The following ZBTB46 variants were observed in gnomAD, a reference collection of about 807,000 sequenced individuals.
ZBTB46 encodes the protein zinc finger and BTB domain containing 46, also known as zinc finger and BTB domain-containing protein 46.
A neutral mutation model predicts 44.1 loss-of-function variants in ZBTB46; 8 were observed. That is an observed-to-expected ratio of 0.18 (90% confidence interval 0.11 to 0.33). The LOEUF (loss-of-function observed/expected upper bound fraction) is 0.33, where lower values mean the gene tolerates loss of function less well. Among genes scored for constraint, ZBTB46 ranks in the 10% least tolerant of loss-of-function variants. The pLI, the probability that ZBTB46 is intolerant of heterozygous loss-of-function variation, is 1.00. For missense variants in ZBTB46, 651 were observed against 847.7 expected (o/e 0.77, Z 2.88); for synonymous variants, 409 against 382.3 (o/e 1.07, Z -0.81).
intron 3 of ZBTB46, among the ~76,000 whole-genome samples, chr20:63,771,987 C>A (rs967958676): frequency 1.4e-5 from 2 of 146,082 alleles, no homozygotes; most frequent in African/African-American, 5.1e-5. Context: ...TTACAGAAAA[C>A]AAAAGGGCAA....
At chr20:63,793,941 C>T (rs2092581209) in intron 1 of ZBTB46, among the ~76,000 whole-genome samples, 1 of 152,178 alleles carries the variant, frequency 6.6e-6, no homozygotes, top group African/African-American at 2.4e-5. Context: ...AATCCCAGCA[C>T]TTTGGGAGGC....
rs528770851 is a variant in ZBTB46, at chr20:63,801,619, A to C, written c.-33-10829T>G. On this transcript the variant is annotated intron_variant, in intron 1 of 4. Coordinates refer to ENST00000245663, the MANE Select transcript of ZBTB46 (RefSeq NM_001369741.1). The stretch of plus-strand genomic sequence containing the variant: ...GTCCACACTGTCTTTATGAGCTGTA[A>C]GACTCACCGTGAAGGTCTGCAGCTT... Among the ~76,000 whole-genome samples the C allele has an allele frequency of 8.4e-4, 128 of 152,310 alleles. 1 individual carries two copies. Among genetic ancestry groups the C allele is most frequent in the African/African-American group, 3.0e-3 (124 of 41,566 alleles).
intron 1 of ZBTB46, among the ~76,000 whole-genome samples, chr20:63,817,810 G>A (rs1455560243): frequency 2.6e-5 from 4 of 152,090 alleles, no homozygotes; most frequent in Admixed American, 6.6e-5. Context: ...AGGCTGGAGC[G>A]AGGCGTCTAT....
At chr20:63,820,443 AT>A (rs397952569) in intron 1 of ZBTB46, among the ~76,000 whole-genome samples, 18 of 144,786 alleles carry the variant, frequency 1.2e-4, no homozygotes, top group African/African-American at 1.3e-4. Context: ...ATATATATAT[AT>A]TTTTTTTTTG....
chr20:63,770,228 G>A (rs555261210), intron 3 of ZBTB46, among the ~76,000 whole-genome samples: 4 of 152,190 alleles, frequency 2.6e-5, no homozygotes, highest in Non-Finnish European at 5.9e-5. Flanking sequence ...TTGGAGACAC[G>A]AAGGCAGCAC....
At chr20:63,778,710 ACT>A (rs1460155363) in intron 2 of ZBTB46, among the ~76,000 whole-genome samples, 4 of 151,878 alleles carry the variant, frequency 2.6e-5, no homozygotes, top group African/African-American at 4.8e-5. Flanking sequence ...ATGTTTCCAA[ACT>A]CTACTCTTTT....
In ZBTB46 at chr20:63,752,605, T is replaced by G. The variant is rs2145768389; in HGVS notation, c.1398+81A>C. On this transcript the variant is annotated intron_variant, in intron 4 of 4. Coordinates refer to ENST00000245663, the MANE Select transcript of ZBTB46 (RefSeq NM_001369741.1). This position sits in a 1 kb window ranked among gnomAD's most constrained non-coding sequence, Gnocchi z 5.6. ...GGACCCGGTGTGGGGTCCGGGGCGG[T>G]CTGCGCCCTCATCAGGACCCGCCTG... 1 of 1,420,248 alleles carries G rather than the reference T, an allele frequency of 7.0e-7. No individual in the cohort carries two copies. 88.0% of individuals were successfully genotyped at this position (1,420,248 alleles called of 1,614,324 possible).
chr20:63,819,726 T>C (rs6062543), intron 1 of ZBTB46, among the ~76,000 whole-genome samples: 36,209 of 152,096 alleles, frequency 0.24, 4,456 homozygotes, highest in Middle Eastern at 0.33. Flanking sequence ...TTTAACTAGA[T>C]GGGATATCAG....
At chr20:63,830,537 C>T (rs1255122752) in intron 1 of ZBTB46, among the ~76,000 whole-genome samples, 2 of 150,178 alleles carry the variant, frequency 1.3e-5, no homozygotes, top group African/African-American at 4.9e-5. Context: ...CTCAGGGCGC[C>T]GGGACCCGCC....
chr20:63,765,361 T>C (rs2092312751), intron 3 of ZBTB46, among the ~76,000 whole-genome samples: 1 of 152,222 alleles, frequency 6.6e-6, no homozygotes, highest in Non-Finnish European at 1.5e-5. Context: ...ATCTGTGTTC[T>C]CTCTTCTCTC....
chr20:63,763,823 C>G (rs930805157), intron 3 of ZBTB46, among the ~76,000 whole-genome samples: 2 of 152,178 alleles, frequency 1.3e-5, no homozygotes, highest in African/African-American at 4.8e-5. Flanking sequence ...ACAGTTAACT[C>G]TCATCCACCC....
chr20:63,756,408 G>C (rs1332000592), intron 3 of ZBTB46, among the ~76,000 whole-genome samples: 1 of 152,166 alleles, frequency 6.6e-6, no homozygotes. Flanking sequence ...ATATTGAATT[G>C]GTCTGGATAT....
Position 63,773,989 on chromosome 20 carries a change from C to T in ZBTB46, c.1222+1689G>A, listed in dbSNP as rs898386640. On this transcript the variant is annotated intron_variant, in intron 3 of 4. Transcript: ENST00000245663. Reference sequence around the variant, plus strand: ...TAAATCACAAACACTCTGCCTGCACCGTGTTTGATATTTTAGAAACGCTAT... The same window carrying T: ...TAAATCACAAACACTCTGCCTGCACTGTGTTTGATATTTTAGAAACGCTAT... Among the ~76,000 whole-genome samples the T allele has an allele frequency of 5.3e-5, 8 of 151,620 alleles. No individual in the cohort carries two copies. The East Asian group carries it at 9.7e-4, about 18-fold the overall frequency.
In ZBTB46 at chr20:63,746,979, G is replaced by C. The variant is rs775240676; in HGVS notation, c.1721C>G (p.Pro574Arg). ...GTCAGGGCCTCCTGGGGGGCTGCGC[G>C]GCCGCGGCGAGTCTTCCTCATCCTT... is the stretch of plus-strand genomic sequence containing the variant. ...DDKDEEDSPR[P>R]RSPPGGPDKD... Residue 574 changes from proline (P) to arginine (R), a missense_variant, in exon 5 of 5, where the codon CCG (proline) becomes CGG (arginine). Physicochemically the swap from Pro to Arg is moderately radical, Grantham distance 103. This residue lies in a region of ZBTB46 where 106 missense variants were observed against 81.0 expected (regional missense o/e 1.31). Transcript: ENST00000245663. The C allele has an allele frequency of 5.0e-6, 8 of 1,604,008 alleles. No individual in the cohort carries two copies. In the African/African-American group the frequency reaches 1.1e-4, roughly 21 times the overall value.
At chr20:63,788,832 G>A (rs1313502263) in intron 2 of ZBTB46, among the ~76,000 whole-genome samples, 3 of 148,884 alleles carry the variant, frequency 2.0e-5, no homozygotes, top group Non-Finnish European at 4.5e-5. Flanking sequence ...CGGTGAGACT[G>A]TCTCTTTTTT....
At chr20:63,800,715 A>C in intron 1 of ZBTB46, among the ~76,000 whole-genome samples, 1 of 152,348 alleles carries the variant, frequency 6.6e-6, no homozygotes, top group East Asian at 1.9e-4. Context: ...GGTGTCCGCC[A>C]GCAGTGCCGG....
rs116895501 is a variant in ZBTB46, at chr20:63,750,723, A to G, written c.1398+1963T>C. Among the ~76,000 whole-genome samples the G allele has an allele frequency of 4.7e-3, 711 of 152,168 alleles. 10 individuals carry two copies. The East Asian group carries it at 0.047, about 10-fold the overall frequency. ...AGTTCGGGACTAGCCTGGGCAACAC[A>G]GCGAAATCCCATCACCACAAAACGC... On this transcript the variant is annotated intron_variant, in intron 4 of 4. Coordinates refer to ENST00000245663, the MANE Select transcript of ZBTB46 (RefSeq NM_001369741.1).
chr20:63,818,361 G>GT (rs1478184451), intron 1 of ZBTB46, among the ~76,000 whole-genome samples: 1 of 152,192 alleles, frequency 6.6e-6, no homozygotes, highest in Non-Finnish European at 1.5e-5. Context: ...GCTGGGCTGC[G>GT]TAAGGAGGTC....
At chr20:63,817,112 A>AAAAAG (rs3068852) in intron 1 of ZBTB46, among the ~76,000 whole-genome samples, 4 of 151,346 alleles carry the variant, frequency 2.6e-5, no homozygotes, top group Non-Finnish European at 4.4e-5. Flanking sequence ...TCTCAAAAAA[A>AAAAAG]AAAAGAAAAG....
Sources: gnomAD v4.1 joint callset for allele counts (sites outside exome capture counted in the v4.1 genomes callset) on GRCh38, gnomAD v4.1.1 for gene constraint, gnomAD v4.1.1 regional missense constraint, Gnocchi (gnomAD v3.1) non-coding constraint, MANE v1.5 for transcripts, NCBI Gene and HGNC (gene_info 2026-07-23, HGNC 2026-07-21) for gene names.